The following GRID2 variants were observed in gnomAD, a reference collection of about 807,000 sequenced individuals.
The protein encoded by GRID2 is glutamate ionotropic receptor delta type subunit 2.
A neutral mutation model predicts 114.8 loss-of-function variants in GRID2; 33 were observed. That is an observed-to-expected ratio of 0.29 (90% CI 0.22 to 0.38). The LOEUF (loss-of-function observed/expected upper bound fraction) is 0.38, where lower values mean the gene tolerates loss of function less well. GRID2 is among the 10% of genes least tolerant of loss of function. GRID2 has a pLI of 1.00. For synonymous variants in GRID2, 505 were observed against 449.9 expected (o/e 1.12, Z -1.55); for missense variants, 1,184 against 1,257.7 (o/e 0.94, Z 0.89).
intron 1 of GRID2, among the ~76,000 whole-genome samples, chr4:92,478,903 G>A (rs1722447362): frequency 6.6e-6 from 1 of 151,998 alleles, no homozygotes. Flanking sequence ...AATTCTTTGC[G>A]GGGGTAAAAT....
intron 2 of GRID2, among the ~76,000 whole-genome samples, chr4:92,713,551 GCTGGA>G (rs1383043142): frequency 6.3e-5 from 5 of 79,318 alleles, no homozygotes; most frequent in Non-Finnish European, 1.2e-4. Context: ...GTGTTTTCAT[GCTGGA>G]TTAGTCTGTT....
chr4:93,593,188 G>T (rs1240505315), intron 13 of GRID2, among the ~76,000 whole-genome samples: 1 of 148,746 alleles, frequency 6.7e-6, no homozygotes, highest in African/African-American at 2.5e-5. Context: ...TGCAGCAGCT[G>T]GTACCGGTTG....
chr4:92,948,171 T>A (rs1014898621), intron 2 of GRID2, among the ~76,000 whole-genome samples: 4 of 151,974 alleles, frequency 2.6e-5, no homozygotes, highest in Non-Finnish European at 2.9e-5. Context: ...GCTTGTTACA[T>A]AAATAGTCTA....
intron 2 of GRID2, among the ~76,000 whole-genome samples, chr4:92,677,714 T>C (rs1407711220): frequency 6.6e-6 from 1 of 152,116 alleles, no homozygotes; most frequent in Non-Finnish European, 1.5e-5. Context: ...CAAGAAAATT[T>C]ACAGGTTCTA....
At chr4:93,078,292 C>T (rs1729516476) in intron 2 of GRID2, among the ~76,000 whole-genome samples, 1 of 152,126 alleles carries the variant, frequency 6.6e-6, no homozygotes, top group South Asian at 2.1e-4. Flanking sequence ...GCAAAGGCTT[C>T]CCCAATCTCT....
chr4:92,304,989 T>G (rs1255332264), intron 1 of GRID2, among the ~76,000 whole-genome samples: 1 of 151,934 alleles, frequency 6.6e-6, no homozygotes, highest in East Asian at 1.9e-4. Context: ...TGCGTGGGGG[T>G]CTCGAGTTGA....
intron 2 of GRID2, among the ~76,000 whole-genome samples, chr4:92,916,617 T>A (rs1015977529): frequency 1.3e-5 from 2 of 152,164 alleles, no homozygotes; most frequent in African/African-American, 4.8e-5. Context: ...GGTGTTTGGT[T>A]TTTTGTCCTT....
rs1769078030 is a variant in GRID2, at chr4:93,428,517, C to T, written c.1545+5549C>T. The stretch of plus-strand genomic sequence containing the variant: ...TTTTATACCTAAAACTTTATAGTCA[C>T]TGGTTATTTAAAAAGGATTGTAATT... On this transcript the variant is annotated intron_variant, in intron 10 of 15. Transcript: ENST00000282020. 2.0e-5 allele frequency among the ~76,000 whole-genome samples: 3 copies of T among 152,014 alleles called. No homozygotes were observed. In the South Asian group the frequency reaches 6.2e-4, roughly 31 times the overall value.
At chr4:92,983,463 G>A (rs946384798) in intron 2 of GRID2, among the ~76,000 whole-genome samples, 1 of 151,944 alleles carries the variant, frequency 6.6e-6, no homozygotes, top group Non-Finnish European at 1.5e-5. Flanking sequence ...ATTTTGGTGA[G>A]GACATATTCA....
chr4:93,098,053 T>C (rs1449462455), intron 3 of GRID2, among the ~76,000 whole-genome samples: 1 of 151,954 alleles, frequency 6.6e-6, no homozygotes, highest in Non-Finnish European at 1.5e-5. Flanking sequence ...TTTCCATCTC[T>C]CTGTATGAGA....
intron 4 of GRID2, among the ~76,000 whole-genome samples, chr4:93,192,412 T>A (rs1741068965): frequency 1.3e-5 from 2 of 152,158 alleles, no homozygotes. Context: ...ATACAAGATT[T>A]TATTCCTAAA....
chr4:93,590,426 G>T (rs1412736878), intron 13 of GRID2, among the ~76,000 whole-genome samples: 1 of 148,400 alleles, frequency 6.7e-6, no homozygotes, highest in African/African-American at 2.5e-5. Flanking sequence ...CTCTGTTTTG[G>T]TATCAGTACC....
chr4:92,382,060 A>G (rs1729644117), intron 1 of GRID2, among the ~76,000 whole-genome samples: 1 of 152,010 alleles, frequency 6.6e-6, no homozygotes, highest in African/African-American at 2.4e-5. Context: ...TTCCATTAGT[A>G]TTAAAAACAT....
intron 2 of GRID2, among the ~76,000 whole-genome samples, chr4:92,672,551 A>G (rs1733125746): frequency 6.6e-6 from 1 of 152,118 alleles, no homozygotes; most frequent in Admixed American, 6.6e-5. Context: ...TCTTTTACTC[A>G]GTCCAACAGT....
intron 1 of GRID2, among the ~76,000 whole-genome samples, chr4:92,334,918 A>G (rs1727085528): frequency 6.6e-6 from 1 of 152,236 alleles, no homozygotes; most frequent in Admixed American, 6.5e-5. Context: ...CCTCTGGATC[A>G]AATTGTGCCT....
intron 2 of GRID2, among the ~76,000 whole-genome samples, chr4:93,056,539 A>G (rs188410442): frequency 5.9e-5 from 9 of 152,118 alleles, no homozygotes; most frequent in African/African-American, 1.7e-4. Context: ...TTCTAATGCA[A>G]TAATCTGAAC....
At chr4:93,177,183 C>T (rs1399768366) in intron 4 of GRID2, among the ~76,000 whole-genome samples, 1 of 152,084 alleles carries the variant, frequency 6.6e-6, no homozygotes, top group Non-Finnish European at 1.5e-5. Flanking sequence ...GACAAAATCC[C>T]TGTGGCTTCT....
chr4:92,511,895 C>T (rs537725917), intron 1 of GRID2, among the ~76,000 whole-genome samples: 1 of 151,858 alleles, frequency 6.6e-6, no homozygotes, highest in East Asian at 2.0e-4. Flanking sequence ...GTGCAGCAAT[C>T]ACTACCATCC....
At chr4:93,660,840 A>T (rs1241951178) in intron 14 of GRID2, among the ~76,000 whole-genome samples, 1 of 152,118 alleles carries the variant, frequency 6.6e-6, no homozygotes, top group Admixed American at 6.6e-5. Flanking sequence ...TAATACAAAG[A>T]CAGGCCCAGA....
Sources: gnomAD v4.1 joint callset for allele counts (sites outside exome capture counted in the v4.1 genomes callset) on GRCh38, gnomAD v4.1.1 for gene constraint, MANE v1.5 for transcripts, NCBI Gene and HGNC (gene_info 2026-07-23, HGNC 2026-07-21) for gene names.